ATP8A2: variants seen among roughly 807,000 people sequenced by gnomAD.
ATP8A2 encodes the protein ATPase phospholipid transporting 8A2, also known as phospholipid-transporting ATPase IB.
ATP8A2 carries 100 observed loss-of-function variants against 165.6 expected under a neutral mutation model. The observed-to-expected ratio is 0.60, with a 90% CI of 0.51 to 0.71. ATP8A2 has a LOEUF of 0.71. ATP8A2 is among the 30% of genes least tolerant of loss of function. ATP8A2 has a pLI of 0.00. For synonymous variants in ATP8A2, 543 were observed against 548.8 expected, an observed-to-expected ratio of 0.99 and a Z score of 0.15; for missense variants, 1,227 against 1,479.5, an observed-to-expected ratio of 0.83 and a Z score of 2.80.
chr13:25,436,262 A>T (rs998954925), intron 1 of ATP8A2, among the ~76,000 whole-genome samples: 1 of 152,006 alleles, frequency 6.6e-6, no homozygotes, highest in African/African-American at 2.4e-5. Context: ...CTCAGCCCCT[A>T]CCCCGTCCCC....
chr13:25,376,451 A>C (rs1002278662), intron 1 of ATP8A2, among the ~76,000 whole-genome samples: 5 of 152,364 alleles, frequency 3.3e-5, no homozygotes, highest in African/African-American at 1.2e-4. Context: ...TCTAGGGGTT[A>C]AAACCCCAGA....
chr13:25,856,074 A>G (rs1462393915), intron 30 of ATP8A2, among the ~76,000 whole-genome samples: 1 of 152,186 alleles, frequency 6.6e-6, no homozygotes, highest in East Asian at 1.9e-4. Flanking sequence ...ATTTGCAAGT[A>G]CTTTTTTCCA....
At chr13:26,000,851 A>G (rs555665755) in intron 35 of ATP8A2, among the ~76,000 whole-genome samples, 1 of 152,236 alleles carries the variant, frequency 6.6e-6, no homozygotes, top group African/African-American at 2.4e-5. Flanking sequence ...TTTTAATTCA[A>G]TTTTCTTTCT....
chr13:25,392,071 A>C (rs1164881647), intron 1 of ATP8A2, among the ~76,000 whole-genome samples: 1 of 152,206 alleles, frequency 6.6e-6, no homozygotes, highest in Non-Finnish European at 1.5e-5. Flanking sequence ...CAGTGAGCTC[A>C]GCCCACCCTG....
intron 2 of ATP8A2, among the ~76,000 whole-genome samples, chr13:25,488,139 C>T (rs573828597): frequency 3.3e-5 from 5 of 152,130 alleles, no homozygotes; most frequent in Non-Finnish European, 7.4e-5. Context: ...AGGCTTGTTG[C>T]TCTTTTTTCT....
chr13:25,583,853 C>T (rs1455235524), intron 23 of ATP8A2, among the ~76,000 whole-genome samples: 3 of 151,540 alleles, frequency 2.0e-5, no homozygotes, highest in South Asian at 2.1e-4. Context: ...GGTGTAGTAA[C>T]GTGTAGTGCT....
At chr13:25,892,516 G>C in intron 33 of ATP8A2, among the ~76,000 whole-genome samples, 3 of 118,134 alleles carry the variant, frequency 2.5e-5, no homozygotes, top group African/African-American at 1.5e-4. Flanking sequence ...TTCCACCTGT[G>C]TTATGCAGAT....
chr13:25,723,009 A>G (rs2138043514), intron 25 of ATP8A2, among the ~76,000 whole-genome samples: 1 of 152,208 alleles, frequency 6.6e-6, no homozygotes, highest in East Asian at 1.9e-4. Flanking sequence ...CTGTAGGTGG[A>G]GTGTATTCAT....
chr13:25,881,112 A>G (rs1377338463), intron 33 of ATP8A2, among the ~76,000 whole-genome samples: 1 of 152,066 alleles, frequency 6.6e-6, no homozygotes, highest in African/African-American at 2.4e-5. Context: ...AAATATATTA[A>G]TTTACTTTCT....
intron 1 of ATP8A2, among the ~76,000 whole-genome samples, chr13:25,427,351 G>A (rs1234959112): frequency 6.6e-6 from 1 of 151,900 alleles, no homozygotes; most frequent in Non-Finnish European, 1.5e-5. Flanking sequence ...AGGAAAACAA[G>A]CTCAAGGCTC....
intron 24 of ATP8A2, among the ~76,000 whole-genome samples, chr13:25,623,325 G>A (rs1032900148): frequency 5.9e-5 from 9 of 152,152 alleles, no homozygotes; most frequent in African/African-American, 2.2e-4. Flanking sequence ...GAGCCCAGGA[G>A]TTTGAGGTTG....
chr13:26,004,795 T>C (rs547265763), intron 35 of ATP8A2, among the ~76,000 whole-genome samples: 2 of 152,196 alleles, frequency 1.3e-5, no homozygotes, highest in Non-Finnish European at 2.9e-5. Flanking sequence ...TGTTTATAGA[T>C]TTGTGTATAT....
intron 25 of ATP8A2, among the ~76,000 whole-genome samples, chr13:25,745,537 T>C (rs1326344531): frequency 6.6e-6 from 1 of 152,194 alleles, no homozygotes; most frequent in Non-Finnish European, 1.5e-5. Flanking sequence ...TCTTGGAATA[T>C]TTCATTTGCT....
intron 33 of ATP8A2, chr13:25,926,975 A>T: frequency 2.8e-6 from 1 of 355,352 alleles, no homozygotes. Flanking sequence ...CCACAGGCAG[A>T]TAAGCAAGGC....
At chr13:25,959,415 C>T (rs1955605205) in intron 33 of ATP8A2, among the ~76,000 whole-genome samples, 1 of 152,190 alleles carries the variant, frequency 6.6e-6, no homozygotes, top group African/African-American at 2.4e-5. Context: ...GGGCCTGGGA[C>T]ACCCCACTGT....
At chr13:25,807,496 C>CAG (rs990816556) in intron 27 of ATP8A2, among the ~76,000 whole-genome samples, 1 of 152,146 alleles carries the variant, frequency 6.6e-6, no homozygotes, top group African/African-American at 2.4e-5. Context: ...TTGACTAAAA[C>CAG]AGAGAGGATT....
intron 23 of ATP8A2, among the ~76,000 whole-genome samples, chr13:25,585,960 A>T (rs1294872492): frequency 6.6e-6 from 1 of 152,258 alleles, no homozygotes; most frequent in African/African-American, 2.4e-5. Context: ...AATGAAACAG[A>T]TGAGGAAGTA....
intron 33 of ATP8A2, among the ~76,000 whole-genome samples, chr13:25,960,520 C>T (rs1184949822): frequency 6.6e-6 from 1 of 152,076 alleles, no homozygotes; most frequent in African/African-American, 2.4e-5. Context: ...TTTGAGGCCT[C>T]CAGAAAAGAA....
At chr13:25,871,873 C>A (rs1952688967) in intron 33 of ATP8A2, among the ~76,000 whole-genome samples, 1 of 152,090 alleles carries the variant, frequency 6.6e-6, no homozygotes, top group Admixed American at 6.5e-5. Context: ...GTGACTGAAA[C>A]CTGATTTCAA....
Sources: gnomAD v4.1 joint callset for allele counts (sites outside exome capture counted in the v4.1 genomes callset) on GRCh38, gnomAD v4.1.1 for gene constraint, MANE v1.5 for transcripts, NCBI Gene and HGNC (gene_info 2026-07-23, HGNC 2026-07-21) for gene names.